Variants in SRCAP observed in about 807,000 individuals in gnomAD.
SRCAP encodes chromatin remodeling protein SRCAP.
In SRCAP, 46 loss-of-function variants were observed where a neutral mutation model predicts 263.1. The observed-to-expected ratio is 0.17, with a 90% CI of 0.14 to 0.22. The LOEUF (loss-of-function observed/expected upper bound fraction) is 0.22, where lower values mean the gene tolerates loss of function less well. Ranked by LOEUF, SRCAP falls within the 10% of genes least tolerant of loss-of-function variation. The pLI, the probability that SRCAP is intolerant of heterozygous loss-of-function variation, is 1.00. For missense variants in SRCAP, 3,695 were observed against 4,181.9 expected (o/e 0.88, Z 3.21); for synonymous variants, 1,813 against 1,662.1 (o/e 1.09, Z -2.21).
chr16:30,729,112 C>T lies in SRCAP; in HGVS notation c.5805C>T (p.Pro1935=), dbSNP rs770243716. The T allele has an allele frequency of 8.7e-6, 14 of 1,614,206 alleles. No individual in the cohort carries two copies. The change falls in exon 26 of 34, where the codon CCC becomes CCT. Residue 1935 remains proline (P), a synonymous_variant. Coordinates refer to ENST00000262518, the MANE Select transcript of SRCAP (RefSeq NM_006662.3). ...FCTLPQPVAS[P]IGPRSPGPSH... ...CCCTGCCCCAACCTGTTGCCAGCCCCATCGGCCCTCGTTCTCCTGGCCCCA... is the reference window on the plus strand; with the variant it reads ...CCCTGCCCCAACCTGTTGCCAGCCCTATCGGCCCTCGTTCTCCTGGCCCCA...
In SRCAP at chr16:30,706,234, G is replaced by A. The variant is rs140988140; in HGVS notation, c.307-949G>A. Reference sequence around the variant, plus strand: ...AGCATTTTGGGAATCCCAGGCAGGCGGATTGCTTAAACCCAGGAGTTCCAG... The same window carrying A: ...AGCATTTTGGGAATCCCAGGCAGGCAGATTGCTTAAACCCAGGAGTTCCAG... On this transcript the variant is annotated intron_variant, in intron 4 of 33. Transcript: ENST00000262518. Among the ~76,000 whole-genome samples the A allele has an allele frequency of 1.2e-4, 18 of 152,216 alleles. No homozygotes were observed. The East Asian group carries it at 2.9e-3, about 24-fold the overall frequency.
Position 30,728,978 on chromosome 16 carries a change from G to C in SRCAP, c.5671G>C (p.Glu1891Gln). Reference protein sequence around the residue: ...RSPFYLDSLEEKRKRQRSERL... With the variant: ...RSPFYLDSLEQKRKRQRSERL... ...CTCTCACCCCCAGGACTCCCTGGAG[G>C]AAAAGCGGAAGCGGCAGCGGTCTGA... Residue 1891 changes from glutamate to glutamine, a missense_variant, in exon 26 of 34, where the codon GAA becomes CAA. Physicochemically the swap from Glu to Gln is conservative, Grantham distance 29 (BLOSUM62 2). Around this residue, in one of 12 missense-constraint regions of SRCAP, gnomAD observed 1,347 missense variants for 1,304.4 expected, o/e 1.03. Transcript: ENST00000262518. 1 of 1,613,070 alleles carries C rather than the reference G, an allele frequency of 6.2e-7. No homozygotes were observed. Among genetic ancestry groups the C allele is most frequent in the Non-Finnish European group, 8.5e-7 (1 of 1,179,170 alleles).
rs747925197 is a variant in SRCAP, at chr16:30,721,202, C to G, written c.3267C>G (p.Pro1089=). 3 of 1,609,922 alleles carry G rather than the reference C, an allele frequency of 1.9e-6. No homozygotes were observed. The highest frequency in any genetic ancestry group is 2.2e-5 in the South Asian group (2 of 90,440). Residue 1089 remains proline (P), a synonymous_variant, in exon 21 of 34, where the codon CCC becomes CCG. Coordinates refer to ENST00000262518, the MANE Select transcript of SRCAP (RefSeq NM_006662.3). ...TTGTGTCTGCAGTGTTGCCATCCCC[C>G]CTGGGGGTCCTGAGTGGGACCTCAC... The part of the protein sequence containing the change: ...SGSLPQVLPS[P]LGVLSGTSRP...
chr16:30,736,157 C>G lies in SRCAP; in HGVS notation c.6730-43C>G, dbSNP rs374811799. 1.4e-5 allele frequency: 23 copies of G among 1,609,004 alleles called. No homozygotes were observed. In the African/African-American group the frequency reaches 1.5e-4, roughly 10 times the overall value. On this transcript the variant is annotated intron_variant, in intron 31 of 33. Coordinates refer to ENST00000262518, the MANE Select transcript of SRCAP (RefSeq NM_006662.3). Reference sequence around the variant, plus strand: ...GAATCAAATCACAGGATGTAAAGTACTTGAAGTCTCATGTTTTCTTTTTCT... The same window carrying G: ...GAATCAAATCACAGGATGTAAAGTAGTTGAAGTCTCATGTTTTCTTTTTCT...
chr16:30,716,448 T>C lies in SRCAP; in HGVS notation c.2786T>C (p.Val929Ala), dbSNP rs2052951114. 5 of 1,614,062 alleles carry C rather than the reference T, an allele frequency of 3.1e-6. No homozygotes were observed. Among genetic ancestry groups the C allele is most frequent in the Non-Finnish European group, 4.2e-6 (5 of 1,180,040 alleles). Residue 929 changes from valine (V) to alanine (A), a missense_variant, in exon 18 of 34, where the codon GTG (valine) becomes GCG (alanine). Physicochemically the swap from Val to Ala is moderately conservative, Grantham distance 64. Around this residue, in one of 12 missense-constraint regions of SRCAP, gnomAD observed 147 missense variants for 212.7 expected, o/e 0.69. Coordinates refer to ENST00000262518, the MANE Select transcript of SRCAP (RefSeq NM_006662.3). ...PGICFSTASL[V>A]LRATDVHPLQ... ...ATCTGCTTCAGCACCGCCTCTCTGG[T>C]GCTAAGGGCCACGGATGTCCATCCC...
intron 31 of SRCAP, 54 bp from the exon 32 acceptor site, chr16:30,736,146 G>A (rs527746256): frequency 4.4e-6 from 7 of 1,601,878 alleles, no homozygotes; most frequent in Admixed American, 3.4e-5. Context: ...CAAATCACAG[G>A]ATGTAAAGTA....
At position 30,700,858 on chromosome 16, in the gene SRCAP, C is replaced by T; in HGVS notation, c.34C>T (p.Leu12Phe). Reference protein sequence around the residue: ...QSSPSPAHPQLPVLQTQMVSD... With the variant: ...QSSPSPAHPQFPVLQTQMVSD... ...CAGCCCCTCCCCTGCTCACCCTCAGCTCCCAGTCCTACAGACACAGGTTTG... is the reference window on the plus strand; with the variant it reads ...CAGCCCCTCCCCTGCTCACCCTCAGTTCCCAGTCCTACAGACACAGGTTTG... Residue 12 changes from leucine to phenylalanine, a missense_variant, in exon 3 of 34, where the codon CTC becomes TTC. By Grantham distance (22) the Leu-to-Phe change is conservative. Coordinates refer to ENST00000262518, the MANE Select transcript of SRCAP (RefSeq NM_006662.3). 6.2e-7 allele frequency: 1 copy of T among 1,614,180 alleles called. No individual in the cohort carries two copies. The highest frequency in any genetic ancestry group is 1.1e-5 in the South Asian group (1 of 91,088).
At position 30,724,275 on chromosome 16, in the gene SRCAP, T is replaced by C; in HGVS notation, c.4851T>C (p.Gly1617=). 1 of 1,614,116 alleles carries C rather than the reference T, an allele frequency of 6.2e-7. No homozygotes were observed. Among genetic ancestry groups the C allele is most frequent in the Non-Finnish European group, 8.5e-7 (1 of 1,180,024 alleles). ...APLPVLAPSP[G]AAPVLASSQT... ...TTCCGGTCCTGGCACCATCGCCAGG[T>C]GCTGCTCCTGTCCTGGCTTCATCAC... is the stretch of plus-strand genomic sequence containing the variant. Residue 1617 remains glycine, a synonymous_variant, in exon 25 of 34, where the codon GGT becomes GGC. Transcript: ENST00000262518.
At position 30,729,108 on chromosome 16, in the gene SRCAP, G is replaced by A. The variant is rs781708349; in HGVS notation, c.5801G>A (p.Ser1934Asn). Residue 1934 changes from serine (S) to asparagine (N), a missense_variant, in exon 26 of 34, where the codon AGC becomes AAC. Physicochemically the swap from Ser to Asn is conservative, Grantham distance 46. This residue lies in a region of SRCAP where 1,347 missense variants were observed against 1,304.4 expected (regional missense o/e 1.03). Coordinates refer to ENST00000262518, the MANE Select transcript of SRCAP (RefSeq NM_006662.3). ...TGTACCCTGCCCCAACCTGTTGCCA[G>A]CCCCATCGGCCCTCGTTCTCCTGGC... is the stretch of plus-strand genomic sequence containing the variant. ...DFCTLPQPVASPIGPRSPGPS... is the reference protein window; with the variant it reads ...DFCTLPQPVANPIGPRSPGPS... 6.2e-7 allele frequency: 1 copy of A among 1,614,192 alleles called. No homozygotes were observed. Among genetic ancestry groups the A allele is most frequent in the Non-Finnish European group, 8.5e-7 (1 of 1,180,022 alleles).
chr16:30,708,856 G>A (rs775676414), intron 6 of SRCAP, among the ~76,000 whole-genome samples: 14 of 151,056 alleles, frequency 9.3e-5, no homozygotes, highest in Non-Finnish European at 1.5e-4. Flanking sequence ...GTCTCGCTTT[G>A]TTCCCAGGCT....
In SRCAP at chr16:30,724,159, G is replaced by A. The variant is rs758624509; in HGVS notation, c.4735G>A (p.Ala1579Thr). The A allele has an allele frequency of 6.2e-7, 1 of 1,613,938 alleles. No homozygotes were observed. The highest frequency in any genetic ancestry group is 1.7e-5 in the Admixed American group (1 of 60,010). Residue 1579 changes from alanine to threonine, a missense_variant, in exon 25 of 34, where the codon GCA becomes ACA. Ala to Thr is a moderately conservative substitution (Grantham distance 58). Around this residue, in one of 12 missense-constraint regions of SRCAP, gnomAD observed 1,347 missense variants for 1,304.4 expected, o/e 1.03. Coordinates refer to ENST00000262518, the MANE Select transcript of SRCAP (RefSeq NM_006662.3). ...QASLLAPASSASQALATPLAP... is the reference protein window; with the variant it reads ...QASLLAPASSTSQALATPLAP... ...TTCCCTTCTGGCTCCAGCATCTTCT[G>A]CATCTCAGGCTCTAGCCACCCCTCT...
At position 30,712,456 on chromosome 16, in the gene SRCAP, C is replaced by T; in HGVS notation, c.1993+17C>T. The stretch of plus-strand genomic sequence containing the variant: ...GTGAGAAAGGTAAGTAGGCAAGGCC[C>T]CTTCTTTTGTTCCCCCTAGTCTAGC... On this transcript the variant is annotated intron_variant, in intron 13 of 33. Coordinates refer to ENST00000262518, the MANE Select transcript of SRCAP (RefSeq NM_006662.3). 1 of 1,551,216 alleles carries T rather than the reference C, an allele frequency of 6.4e-7. No individual in the cohort carries two copies. The highest frequency in any genetic ancestry group is 8.7e-7 in the Non-Finnish European group (1 of 1,151,392).
chr16:30,721,746 G>T (rs1028080652), intron 21 of SRCAP, among the ~76,000 whole-genome samples: 1 of 152,220 alleles, frequency 6.6e-6, no homozygotes, highest in Non-Finnish European at 1.5e-5. Context: ...GACATTGTCA[G>T]ATCATAATTA....
chr16:30,719,705 G>T (rs1336940845), intron 18 of SRCAP, among the ~76,000 whole-genome samples: 1 of 152,032 alleles, frequency 6.6e-6, no homozygotes, highest in Non-Finnish European at 1.5e-5. Flanking sequence ...GTAGAGACGG[G>T]GTCTTACTAT....
rs201399756 is a variant in SRCAP, at chr16:30,716,137, T to C, written c.2565T>C (p.His855=). Residue 855 remains histidine (H), a synonymous_variant, in exon 17 of 34, where the codon CAT becomes CAC. Coordinates refer to ENST00000262518, the MANE Select transcript of SRCAP (RefSeq NM_006662.3). ...VEKQMPKKYE[H]VIRCRLSKRQ... ...AGCAGATGCCCAAAAAGTACGAGCA[T>C]GTTATCCGCTGCAGGCTCTCCAAGC... The C allele has an allele frequency of 3.1e-6, 5 of 1,614,220 alleles. No individual in the cohort carries two copies. In the African/African-American group the frequency reaches 5.3e-5, roughly 17 times the overall value.
rs747571613 is a variant in SRCAP at position 30,710,662 on chromosome 16, A to G, written c.1135-92A>G. The G allele has an allele frequency of 3.4e-5, 43 of 1,277,898 alleles. No individual in the cohort carries two copies. The South Asian group carries it at 4.0e-4, about 12-fold the overall frequency. The allele number at this position is 1,277,898 out of a possible 1,614,324, so 79.2% of individuals were successfully genotyped here. On this transcript the variant is annotated intron_variant, in intron 8 of 33. Transcript: ENST00000262518. Reference sequence around the variant, plus strand: ...AGTGGCAACTGTCACTCAATGGGACAGTGATTCTCCTGTGACACCTTTTTC... The same window carrying G: ...AGTGGCAACTGTCACTCAATGGGACGGTGATTCTCCTGTGACACCTTTTTC...
chr16:30,727,634 C>A (rs920626723), intron 25 of SRCAP, among the ~76,000 whole-genome samples: 6 of 152,154 alleles, frequency 3.9e-5, no homozygotes, highest in African/African-American at 1.4e-4. Context: ...CTCACTGCAA[C>A]CTCCGCCTCC....
rs745426265 is a variant in SRCAP at position 30,721,300 on chromosome 16, C to T, written c.3365C>T (p.Pro1122Leu). 1 of 1,614,216 alleles carries T rather than the reference C, an allele frequency of 6.2e-7. No individual in the cohort carries two copies. The highest frequency in any genetic ancestry group is 2.2e-5 in the East Asian group (1 of 44,888). ...APVRLSPAPPPGSSSLLKPLT... is the reference protein window; with the variant it reads ...APVRLSPAPPLGSSSLLKPLT... ...GTTCGCCTGAGCCCAGCCCCACCTCCAGGCTCCTCTAGCCTGTTGAAGCCC... is the reference window on the plus strand; with the variant it reads ...GTTCGCCTGAGCCCAGCCCCACCTCTAGGCTCCTCTAGCCTGTTGAAGCCC... Residue 1122 changes from proline to leucine, a missense_variant, in exon 21 of 34, where the codon CCA (proline) becomes CTA (leucine). Around this residue, in one of 12 missense-constraint regions of SRCAP, gnomAD observed 1,347 missense variants for 1,304.4 expected, o/e 1.03. Coordinates refer to ENST00000262518, the MANE Select transcript of SRCAP (RefSeq NM_006662.3).
rs1368200108 is a variant in SRCAP at position 30,704,216 on chromosome 16, G to A, written c.207G>A (p.Val69=). ...GPPGPPDGAT[V]PLEGFSLSQA... Reference sequence around the variant, plus strand: ...CAGGCCCCCCAGATGGTGCCACAGTGCCCCTGGAGGGGTTCAGCTTATCCC... The same window carrying A: ...CAGGCCCCCCAGATGGTGCCACAGTACCCCTGGAGGGGTTCAGCTTATCCC... The change falls in exon 4 of 34, where the codon GTG becomes GTA. Residue 69 remains valine (V), a synonymous_variant. Transcript: ENST00000262518. 2 of 1,614,142 alleles carry A rather than the reference G, an allele frequency of 1.2e-6. No individual in the cohort carries two copies. The highest frequency in any genetic ancestry group is 1.1e-5 in the South Asian group (1 of 91,076).
Sources: allele counts gnomAD v4.1 joint callset (sites outside exome capture counted in the v4.1 genomes callset), GRCh38; gene constraint gnomAD v4.1.1; regional missense constraint gnomAD v4.1.1; transcripts MANE v1.5; gene names NCBI Gene and HGNC (gene_info 2026-07-23, HGNC 2026-07-21).